Variants in INPP5A observed in about 807,000 individuals in gnomAD.
The protein encoded by INPP5A is 43 kDa inositol polyphosphate 5-phophatase.
A neutral mutation model predicts 65.2 loss-of-function variants in INPP5A; 14 were observed. The ratio of observed to expected loss-of-function variants is 0.21; its 90% CI spans 0.14 to 0.34. The LOEUF is 0.34. INPP5A is among the 10% of genes least tolerant of loss of function. The pLI is 1.00. For missense variants in INPP5A, 431 were observed against 545.6 expected, an observed-to-expected ratio of 0.79 and a Z score of 2.09; for synonymous variants, 207 against 208.3, an observed-to-expected ratio of 0.99 and a Z score of 0.05.
At chr10:132,558,965 G>C (rs1434746423) in intron 1 of INPP5A, among the ~76,000 whole-genome samples, 1 of 152,162 alleles carries the variant, frequency 6.6e-6, no homozygotes, top group African/African-American at 2.4e-5. Flanking sequence ...CACCCTGGTC[G>C]AGCCCAGCCA....
chr10:132,733,341 G>C (rs944978764), intron 9 of INPP5A, among the ~76,000 whole-genome samples: 3 of 152,230 alleles, frequency 2.0e-5, no homozygotes, highest in African/African-American at 4.8e-5. Flanking sequence ...CTCCTGCCAC[G>C]TGGTCCACTG....
intron 5 of INPP5A, among the ~76,000 whole-genome samples, chr10:132,691,820 G>A (rs1328462431): frequency 1.4e-5 from 2 of 147,782 alleles, no homozygotes; most frequent in South Asian, 2.1e-4. Context: ...GTGCGGTCGC[G>A]GGAGACGTGT....
intron 8 of INPP5A, among the ~76,000 whole-genome samples, chr10:132,715,701 A>G (rs1169400282): frequency 6.6e-6 from 1 of 152,264 alleles, no homozygotes; most frequent in African/African-American, 2.4e-5. Context: ...CAAACTCGGC[A>G]TTAAAGATCT....
At chr10:132,649,549 G>A (rs1258802501) in intron 3 of INPP5A, among the ~76,000 whole-genome samples, 2 of 152,198 alleles carry the variant, frequency 1.3e-5, no homozygotes, top group Non-Finnish European at 2.9e-5. Context: ...ATCAGTGTGG[G>A]TCTGTCAAGG....
intron 1 of INPP5A, among the ~76,000 whole-genome samples, chr10:132,544,935 G>A (rs886694639): frequency 8.5e-5 from 13 of 152,122 alleles, no homozygotes; most frequent in Admixed American, 5.2e-4. Context: ...GGGTGGGGGT[G>A]GTGGGACTTC....
intron 4 of INPP5A, among the ~76,000 whole-genome samples, chr10:132,688,266 G>T (rs1381100238): frequency 6.6e-6 from 1 of 152,218 alleles, no homozygotes; most frequent in Admixed American, 6.5e-5. Context: ...TGTGCCTGCC[G>T]CCCTGCGCCT....
intron 1 of INPP5A, among the ~76,000 whole-genome samples, chr10:132,539,305 G>A (rs1012839850): frequency 4.6e-5 from 7 of 152,232 alleles, no homozygotes; most frequent in African/African-American, 1.7e-4. Context: ...CTGCCACTTA[G>A]TATCTCTTTA....
intron 9 of INPP5A, among the ~76,000 whole-genome samples, chr10:132,737,511 T>C (rs940434142): frequency 6.6e-6 from 1 of 152,244 alleles, no homozygotes; most frequent in Non-Finnish European, 1.5e-5. Flanking sequence ...ACCCAGTGTG[T>C]AGACAGACCT....
chr10:132,642,786 A>G (rs1244018409), intron 2 of INPP5A, among the ~76,000 whole-genome samples: 1 of 152,344 alleles, frequency 6.6e-6, no homozygotes, highest in East Asian at 1.9e-4. Context: ...CCAACTGTCC[A>G]TGTGGAGGGG....
intron 1 of INPP5A, among the ~76,000 whole-genome samples, chr10:132,578,528 GA>G (rs1232334765): frequency 3.4e-5 from 5 of 148,740 alleles, no homozygotes; most frequent in Admixed American, 6.7e-5. Context: ...AGTGTGCGGG[GA>G]GTCTCATCCA....
intron 1 of INPP5A, among the ~76,000 whole-genome samples, chr10:132,607,514 C>T (rs923358436): frequency 5.3e-5 from 8 of 152,250 alleles, no homozygotes; most frequent in Non-Finnish European, 8.8e-5. Flanking sequence ...GGGGCTTTGG[C>T]TCAGGCAGGG....
chr10:132,730,707 AGAGCTC>A (rs1846068720), intron 9 of INPP5A, among the ~76,000 whole-genome samples: 2 of 152,174 alleles, frequency 1.3e-5, no homozygotes, highest in Non-Finnish European at 2.9e-5. Context: ...GGAACGTGGC[AGAGCTC>A]CTGCGGGCCT....
chr10:132,585,554 TG>T (rs1286409443), intron 1 of INPP5A, among the ~76,000 whole-genome samples: 1 of 152,122 alleles, frequency 6.6e-6, no homozygotes, highest in African/African-American at 2.4e-5. Flanking sequence ...AGGCGTCCAC[TG>T]GGGGGGTCTT....
At position 132,584,981 on chromosome 10, in the gene INPP5A, T is replaced by C. The variant is rs34909980; in HGVS notation, c.76-22934T>C. Among the ~76,000 whole-genome samples, 1,235 of 152,326 alleles carry C rather than the reference T, an allele frequency of 8.1e-3. 8 individuals are homozygous for C. Among genetic ancestry groups the C allele is most frequent in the Non-Finnish European group, 0.012 (842 of 68,022 alleles). ...CAGGCCTCCCAAAGTGCTGGGATTT[T>C]TCTGTTTTCTGTTTTCTTGGTGACA... On this transcript the variant is annotated intron_variant, in intron 1 of 15. Transcript: ENST00000368594.
chr10:132,736,428 A>G (rs1023167150), intron 9 of INPP5A, among the ~76,000 whole-genome samples: 2 of 152,264 alleles, frequency 1.3e-5, no homozygotes, highest in Admixed American at 6.5e-5. Context: ...TGACAGGTAC[A>G]TGCTCAGGTG....
intron 6 of INPP5A, among the ~76,000 whole-genome samples, chr10:132,700,817 C>T (rs374533389): frequency 3.3e-5 from 5 of 152,180 alleles, no homozygotes; most frequent in African/African-American, 7.2e-5. Context: ...TAATTACAGC[C>T]GCAGCAGAAA....
chr10:132,779,381 C>T (rs1324851341), intron 13 of INPP5A, among the ~76,000 whole-genome samples: 2 of 152,280 alleles, frequency 1.3e-5, no homozygotes, highest in African/African-American at 2.4e-5. Context: ...CCCGGGGACT[C>T]GGGCACAGAT....
intron 5 of INPP5A, among the ~76,000 whole-genome samples, chr10:132,691,441 C>A (rs954188722): frequency 6.6e-6 from 1 of 152,220 alleles, no homozygotes; most frequent in South Asian, 2.1e-4. Flanking sequence ...GAGCGGCCGG[C>A]GAGAGTGGAG....
chr10:132,710,250 T>C, intron 7 of INPP5A, 87 bp from the exon 8 acceptor site: 3 of 1,507,998 alleles, frequency 2.0e-6, no homozygotes, highest in Admixed American at 3.9e-5. Flanking sequence ...GTGCAGGTCT[T>C]ATCTTCCCGG....
Sources: gnomAD v4.1 joint callset for allele counts (sites outside exome capture counted in the v4.1 genomes callset) on GRCh38, gnomAD v4.1.1 for gene constraint, MANE v1.5 for transcripts, NCBI Gene and HGNC (gene_info 2026-07-23, HGNC 2026-07-21) for gene names.